ATP9B: variants seen among roughly 807,000 people sequenced by gnomAD.
ATP9B encodes ATPase phospholipid transporting 9B.
Under a neutral mutation model 146.1 loss-of-function variants are expected in ATP9B, and 110 were observed. The ratio of observed to expected loss-of-function variants is 0.75; its 90% CI spans 0.65 to 0.88. The LOEUF (loss-of-function observed/expected upper bound fraction) is 0.88, where lower values mean the gene tolerates loss of function less well. ATP9B is among the 40% of genes least tolerant of loss of function. The probability of loss-of-function intolerance (pLI) is 0.00; values close to 1 mark genes in which losing one functional copy is unlikely to be tolerated. For missense variants in ATP9B, 1,499 were observed against 1,496.4 expected (o/e 1.00, Z -0.03); for synonymous variants, 604 against 569.7 (o/e 1.06, Z -0.86).
intron 15 of ATP9B, among the ~76,000 whole-genome samples, chr18:79,308,708 GGT>G: frequency 1.4e-5 from 2 of 139,850 alleles, no homozygotes; most frequent in African/African-American, 2.7e-5. Context: ...GAAGGTCAGG[GGT>G]GGTGGAGTGA....
intron 26 of ATP9B, among the ~76,000 whole-genome samples, chr18:79,366,056 A>T (rs776188505): frequency 1.3e-5 from 2 of 152,390 alleles, no homozygotes; most frequent in East Asian, 3.9e-4. Flanking sequence ...TGGATCATAC[A>T]TTGTGCATTT....
intron 5 of ATP9B, among the ~76,000 whole-genome samples, chr18:79,133,933 G>GTGGGAAATGGACTCCTCAC (rs1176884175): frequency 6.6e-6 from 1 of 152,258 alleles, no homozygotes; most frequent in Non-Finnish European, 1.5e-5. Context: ...TCTGTCCGAA[G>GTGGGAAATGGACTCCTCAC]TGGGAAATGG....
At chr18:79,098,471 G>A (rs568853240) in intron 2 of ATP9B, among the ~76,000 whole-genome samples, 16 of 149,000 alleles carry the variant, frequency 1.1e-4, no homozygotes, top group African/African-American at 3.3e-4. Context: ...GAAAATTTTC[G>A]CAACCTACTC....
chr18:79,343,488 A>G (rs77538646), intron 20 of ATP9B, among the ~76,000 whole-genome samples: 4,746 of 152,294 alleles, frequency 0.031, 121 homozygotes, highest in Non-Finnish European at 0.04. Context: ...CAAGATTATG[A>G]CTTACTTTTA....
chr18:79,087,282 C>T (rs985843494), intron 1 of ATP9B: 7 of 152,234 alleles, frequency 4.6e-5, no homozygotes, highest in African/African-American at 1.7e-4. Flanking sequence ...TCTTCTAAGA[C>T]TGTTGCATTG....
At chr18:79,126,131 A>G (rs1317156452) in intron 4 of ATP9B, 136 bp from the exon 5 acceptor site, 3 of 641,048 alleles carry the variant, frequency 4.7e-6, no homozygotes, top group Non-Finnish European at 7.7e-6. Flanking sequence ...TTACTTTTTG[A>G]CTTTTTTGGT....
chr18:79,126,709 A>G (rs2094293023), intron 5 of ATP9B, among the ~76,000 whole-genome samples: 2 of 152,208 alleles, frequency 1.3e-5, no homozygotes, highest in Non-Finnish European at 2.9e-5. Flanking sequence ...TTCATCTAAA[A>G]TCTATCTTGG....
intron 15 of ATP9B, among the ~76,000 whole-genome samples, chr18:79,321,820 A>T (rs757892234): frequency 5.3e-5 from 8 of 152,240 alleles, no homozygotes; most frequent in Non-Finnish European, 1.0e-4. Flanking sequence ...GATGTGAGTC[A>T]CCAAATATAG....
In ATP9B at chr18:79,097,249, G is replaced by A. The variant is rs544272825; in HGVS notation, c.293+600G>A. ...GGTTGCTCTATCAACATTTATAAAT[G>A]GTTTTTCTTTTTCTTCCCAAAAGAT... is the stretch of plus-strand genomic sequence containing the variant. On this transcript the variant is annotated intron_variant, in intron 2 of 29. Transcript: ENST00000426216. 4.0e-5 allele frequency among the ~76,000 whole-genome samples: 6 copies of A among 151,304 alleles called. No homozygotes were observed. The South Asian group carries it at 1.3e-3, about 32-fold the overall frequency.
intron 16 of ATP9B, 52 bp from the exon 17 acceptor site, chr18:79,329,960 C>A: frequency 6.6e-7 from 1 of 1,504,088 alleles, no homozygotes; most frequent in Non-Finnish European, 9.3e-7. Flanking sequence ...CAGTTATTTG[C>A]CCCGAGCAAT....
intron 23 of ATP9B, among the ~76,000 whole-genome samples, chr18:79,346,957 A>G (rs1180094530): frequency 2.0e-5 from 3 of 152,252 alleles, no homozygotes; most frequent in Non-Finnish European, 2.9e-5. Context: ...CACGTGCATT[A>G]CAGCCTAGCC....
chr18:79,285,994 A>G (rs2096435960), intron 13 of ATP9B, among the ~76,000 whole-genome samples: 2 of 151,150 alleles, frequency 1.3e-5, no homozygotes, highest in South Asian at 4.3e-4. Flanking sequence ...TTTTGGTACC[A>G]GTACCATGCT....
rs78249247 is a variant in ATP9B, at chr18:79,352,053, A to G, written c.2903+3857A>G. On this transcript the variant is annotated intron_variant, in intron 25 of 29. Transcript: ENST00000426216. ...GGCTCTGAGAGAGACTTCTGATCTC[A>G]TGAGCCCACAACTCATGTTCCACGA... 1.7e-3 allele frequency among the ~76,000 whole-genome samples: 266 copies of G among 152,280 alleles called. 6 individuals carry two copies. In the East Asian group the frequency reaches 0.039, roughly 22 times the overall value.
chr18:79,217,266 A>G lies in ATP9B; in HGVS notation c.1107+3228A>G, dbSNP rs139967046. Among the ~76,000 whole-genome samples, 1,101 of 152,108 alleles carry G rather than the reference A, an allele frequency of 7.2e-3. 13 individuals are homozygous for G. Among genetic ancestry groups the G allele is most frequent in the African/African-American group, 0.017 (719 of 41,494 alleles). On this transcript the variant is annotated intron_variant, in intron 11 of 29. Transcript: ENST00000426216. ...GTGGCGCAATCTCGGCTCACTGCAA[A>G]CTCCGCCTCCCGAGTTCACGCCATT...
chr18:79,262,069 G>T (rs4442894), intron 12 of ATP9B, among the ~76,000 whole-genome samples: 8 of 151,504 alleles, frequency 5.3e-5, no homozygotes, highest in Admixed American at 3.9e-4. Flanking sequence ...TACCCTCGGG[G>T]CCCTGCAGCT....
At chr18:79,120,080 C>T (rs1302082652) in intron 4 of ATP9B, among the ~76,000 whole-genome samples, 3 of 152,110 alleles carry the variant, frequency 2.0e-5, no homozygotes, top group Non-Finnish European at 1.5e-5. Context: ...AGAAAATGTT[C>T]TTCAACAAGA....
chr18:79,310,499 G>C (rs564812088), intron 15 of ATP9B, among the ~76,000 whole-genome samples: 1 of 152,336 alleles, frequency 6.6e-6, no homozygotes, highest in South Asian at 2.1e-4. Context: ...CTTTAAAATT[G>C]CCTGAAAGCA....
intron 5 of ATP9B, among the ~76,000 whole-genome samples, chr18:79,143,472 C>G (rs2094538898): frequency 6.6e-6 from 1 of 152,116 alleles, no homozygotes; most frequent in Admixed American, 6.5e-5. Flanking sequence ...AGTTTTAATG[C>G]TGAGATCATT....
At chr18:79,304,824 A>G (rs1345863100) in intron 14 of ATP9B, among the ~76,000 whole-genome samples, 1 of 152,262 alleles carries the variant, frequency 6.6e-6, no homozygotes, top group Non-Finnish European at 1.5e-5. Context: ...GAGAGAATCA[A>G]TTTAAGAGAC....
Sources: gnomAD v4.1 joint callset for allele counts (sites outside exome capture counted in the v4.1 genomes callset) on GRCh38, gnomAD v4.1.1 for gene constraint, MANE v1.5 for transcripts, NCBI Gene and HGNC (gene_info 2026-07-23, HGNC 2026-07-21) for gene names.